CACNA2D3: variants seen among roughly 807,000 people sequenced by gnomAD.
CACNA2D3 encodes voltage-dependent calcium channel subunit alpha-2/delta-3.
A neutral mutation model predicts 160.6 loss-of-function variants in CACNA2D3; 60 were observed. That is an observed-to-expected ratio of 0.37 (90% CI 0.30 to 0.46). The LOEUF (loss-of-function observed/expected upper bound fraction) is 0.46, where lower values mean the gene tolerates loss of function less well. Among genes scored for constraint, CACNA2D3 ranks in the 20% least tolerant of loss-of-function variants. The probability of loss-of-function intolerance (pLI) is 1.00; values close to 1 mark genes in which losing one functional copy is unlikely to be tolerated. For synonymous variants in CACNA2D3, 558 were observed against 492.9 expected (o/e 1.13, Z -1.75); for missense variants, 1,205 against 1,365.0 (o/e 0.88, Z 1.85).
chr3:54,716,218 A>G (rs915327744), intron 11 of CACNA2D3, among the ~76,000 whole-genome samples: 4 of 152,192 alleles, frequency 2.6e-5, no homozygotes, highest in Non-Finnish European at 5.9e-5. Flanking sequence ...ACAGTCTTCT[A>G]TAAGTGCAAA....
intron 5 of CACNA2D3, among the ~76,000 whole-genome samples, chr3:54,514,076 A>G (rs1056123996): frequency 6.6e-6 from 1 of 152,252 alleles, no homozygotes; most frequent in African/African-American, 2.4e-5. Context: ...TCCATCATAA[A>G]TGAAAACTAG....
At chr3:54,138,063 T>C (rs773381456) in intron 2 of CACNA2D3, among the ~76,000 whole-genome samples, 2 of 152,208 alleles carry the variant, frequency 1.3e-5, no homozygotes, top group Non-Finnish European at 2.9e-5. Context: ...GACGATCCCA[T>C]GGGACAGGTG....
chr3:54,162,412 C>T (rs11130398), intron 2 of CACNA2D3, among the ~76,000 whole-genome samples: 39,203 of 151,880 alleles, frequency 0.26, 5,165 homozygotes, highest in East Asian at 0.35. Context: ...GCTGGGCTGT[C>T]GGCTGGAACC....
intron 29 of CACNA2D3, among the ~76,000 whole-genome samples, chr3:54,984,386 C>T (rs533635708): frequency 6.6e-6 from 1 of 151,894 alleles, no homozygotes; most frequent in Non-Finnish European, 1.5e-5. Flanking sequence ...AAGACTCGTT[C>T]AGTCTTTTAT....
chr3:54,404,412 G>A (rs1339412749), intron 4 of CACNA2D3, among the ~76,000 whole-genome samples: 1 of 152,084 alleles, frequency 6.6e-6, no homozygotes, highest in African/African-American at 2.4e-5. Flanking sequence ...TGCAGAAAAA[G>A]CATTCAACAA....
chr3:54,505,442 T>C (rs1701354116), intron 5 of CACNA2D3, among the ~76,000 whole-genome samples: 2 of 152,190 alleles, frequency 1.3e-5, no homozygotes, highest in African/African-American at 4.8e-5. Flanking sequence ...TAGAGGGCTC[T>C]GGACTGGGCC....
At chr3:54,497,508 T>C (rs1356645114) in intron 4 of CACNA2D3, among the ~76,000 whole-genome samples, 1 of 152,086 alleles carries the variant, frequency 6.6e-6, no homozygotes, top group Non-Finnish European at 1.5e-5. Context: ...TTATATTATG[T>C]GAATTCCTTA....
intron 14 of CACNA2D3, among the ~76,000 whole-genome samples, chr3:54,833,977 T>C (rs1369121906): frequency 6.6e-6 from 1 of 152,194 alleles, no homozygotes; most frequent in Non-Finnish European, 1.5e-5. Flanking sequence ...ACTGAATGCA[T>C]TTCCTTTGTT....
At chr3:54,542,309 G>C (rs7625798) in intron 5 of CACNA2D3, among the ~76,000 whole-genome samples, 150,647 of 152,168 alleles carry the variant, frequency 0.99, 74,597 homozygotes, top group East Asian at 1. Context: ...ATCTGCCCAC[G>C]TTGTCCTCCC....
rs558672210 is a variant in CACNA2D3, at chr3:54,470,230, C to T, written c.382-33262C>T. ...GAAGCCCATCAGAATAACAGCAGAT[C>T]TCTCTGCAGAAACCCTATAAGCCAG... On this transcript the variant is annotated intron_variant, in intron 4 of 37. Coordinates refer to ENST00000474759, the MANE Select transcript of CACNA2D3 (RefSeq NM_018398.3). Among the ~76,000 whole-genome samples the T allele has an allele frequency of 3.8e-3, 584 of 152,336 alleles. 5 individuals are homozygous for T. The highest frequency in any genetic ancestry group is 4.6e-3 in the Non-Finnish European group (311 of 68,032).
chr3:54,491,771 T>A (rs557434146), intron 4 of CACNA2D3, among the ~76,000 whole-genome samples: 64 of 152,328 alleles, frequency 4.2e-4, no homozygotes, highest in South Asian at 8.3e-4. Context: ...ACAGAGACTG[T>A]CTGGCCTGCA....
chr3:54,785,772 T>A, intron 13 of CACNA2D3, among the ~76,000 whole-genome samples: 1 of 152,174 alleles, frequency 6.6e-6, no homozygotes, highest in Non-Finnish European at 1.5e-5. Context: ...TTATATCTTG[T>A]CCCTGGTAAA....
At chr3:54,878,106 G>C (rs971419689) in intron 18 of CACNA2D3, among the ~76,000 whole-genome samples, 1 of 152,022 alleles carries the variant, frequency 6.6e-6, no homozygotes, top group African/African-American at 2.4e-5. Flanking sequence ...AGACAGCCTC[G>C]AATCAAATTT....
intron 2 of CACNA2D3, among the ~76,000 whole-genome samples, chr3:54,183,397 A>G (rs1435619632): frequency 1.3e-5 from 2 of 152,012 alleles, no homozygotes; most frequent in South Asian, 4.2e-4. Flanking sequence ...CCTGTGAAGA[A>G]GAGGTGACCT....
At chr3:54,830,022 C>A (rs1057056743) in intron 14 of CACNA2D3, among the ~76,000 whole-genome samples, 1 of 144,966 alleles carries the variant, frequency 6.9e-6, no homozygotes, top group Non-Finnish European at 1.5e-5. Context: ...CGGGTTCAAG[C>A]AATTCTCTGC....
chr3:54,177,703 G>A (rs1361480657), intron 2 of CACNA2D3: 2 of 152,082 alleles, frequency 1.3e-5, no homozygotes, highest in South Asian at 2.1e-4. Flanking sequence ...TGATGGGTGC[G>A]GAGTGCTCTA....
At chr3:54,283,404 A>G (rs1265143122) in intron 2 of CACNA2D3, among the ~76,000 whole-genome samples, 2 of 152,230 alleles carry the variant, frequency 1.3e-5, no homozygotes, top group African/African-American at 2.4e-5. Flanking sequence ...CGCAGAATAT[A>G]ATGTGAAGTT....
chr3:54,421,771 G>A (rs1458365012), intron 4 of CACNA2D3, among the ~76,000 whole-genome samples: 1 of 152,154 alleles, frequency 6.6e-6, no homozygotes, highest in African/African-American at 2.4e-5. Context: ...AAGCCACTGA[G>A]CAGTGTATTG....
intron 17 of CACNA2D3, among the ~76,000 whole-genome samples, chr3:54,868,875 T>C (rs1230208991): frequency 6.6e-6 from 1 of 152,246 alleles, no homozygotes; most frequent in Non-Finnish European, 1.5e-5. Flanking sequence ...GGAATCTTGC[T>C]AGCTGAATAT....
Sources: gnomAD v4.1 joint callset for allele counts (sites outside exome capture counted in the v4.1 genomes callset) on GRCh38, gnomAD v4.1.1 for gene constraint, MANE v1.5 for transcripts, NCBI Gene and HGNC (gene_info 2026-07-23, HGNC 2026-07-21) for gene names.